Variants in NXPH1 observed in about 807,000 individuals in gnomAD.
NXPH1 encodes neurexophilin-1.
NXPH1 carries 5 observed loss-of-function variants against 23.7 expected under a neutral mutation model. The observed-to-expected ratio is 0.21, with a 90% CI of 0.11 to 0.44. NXPH1 has a LOEUF of 0.44. Among genes scored for constraint, NXPH1 ranks in the 20% least tolerant of loss-of-function variants. NXPH1 has a pLI of 0.99. For missense variants in NXPH1, 324 were observed against 321.6 expected (o/e 1.01, Z -0.06); for synonymous variants, 144 against 122.2 (o/e 1.18, Z -1.18).
intron 2 of NXPH1, among the ~76,000 whole-genome samples, chr7:8,466,361 C>A (rs988083841): frequency 6.6e-6 from 1 of 152,108 alleles, no homozygotes; most frequent in Non-Finnish European, 1.5e-5. Flanking sequence ...GGTATGGGAA[C>A]GATGAGCTCT....
intron 2 of NXPH1, among the ~76,000 whole-genome samples, chr7:8,501,077 G>A (rs1817423186): frequency 6.6e-6 from 1 of 152,014 alleles, no homozygotes; most frequent in Admixed American, 6.6e-5. Flanking sequence ...TTATGAGTTG[G>A]GATCTTCAGC....
At chr7:8,542,239 G>T (rs754381291) in intron 2 of NXPH1, among the ~76,000 whole-genome samples, 3 of 151,624 alleles carry the variant, frequency 2.0e-5, no homozygotes, top group South Asian at 4.1e-4. Flanking sequence ...TGGATATAAA[G>T]AAGGTAATTT....
chr7:8,662,189 T>TAC (rs60107144), intron 2 of NXPH1, among the ~76,000 whole-genome samples: 6 of 150,728 alleles, frequency 4.0e-5, no homozygotes, highest in African/African-American at 9.8e-5. Flanking sequence ...TATATATATA[T>TAC]ACACACATAT....
At chr7:8,730,738 G>A (rs1313432424) in intron 2 of NXPH1, among the ~76,000 whole-genome samples, 1 of 151,858 alleles carries the variant, frequency 6.6e-6, no homozygotes, top group African/African-American at 2.4e-5. Flanking sequence ...TTCCCTTTGA[G>A]GGTAACCCGA....
intron 2 of NXPH1, among the ~76,000 whole-genome samples, chr7:8,625,369 A>C (rs897936222): frequency 1.3e-5 from 2 of 152,152 alleles, no homozygotes; most frequent in African/African-American, 4.8e-5. Context: ...AGATCAACTC[A>C]AATTCTGAAA....
At chr7:8,601,448 G>T (rs1484195144) in intron 2 of NXPH1, among the ~76,000 whole-genome samples, 1 of 152,140 alleles carries the variant, frequency 6.6e-6, no homozygotes, top group Non-Finnish European at 1.5e-5. Context: ...TGACTCTGAG[G>T]TTACCCAAGT....
At chr7:8,441,699 C>T (rs1816303131) in intron 2 of NXPH1, among the ~76,000 whole-genome samples, 1 of 152,182 alleles carries the variant, frequency 6.6e-6, no homozygotes, top group Non-Finnish European at 1.5e-5. Flanking sequence ...CCAAGAGCGG[C>T]TTTTTATTGA....
chr7:8,702,851 C>T (rs10253965), intron 2 of NXPH1, among the ~76,000 whole-genome samples: 74,666 of 151,826 alleles, frequency 0.49, 19,307 homozygotes, highest in East Asian at 0.8. Context: ...CTCCATGAAA[C>T]TTTTCTGATT....
chr7:8,727,231 A>G (rs899916788), intron 2 of NXPH1, among the ~76,000 whole-genome samples: 1 of 124,314 alleles, frequency 8.0e-6, no homozygotes, highest in African/African-American at 3.7e-5. Flanking sequence ...TAGATTCTGG[A>G]TATTAGCCCT....
rs528882889 is a variant in NXPH1 at position 8,752,057 on chromosome 7, G to A, written c.*288G>A. On this transcript the variant is annotated 3_prime_UTR_variant, in exon 3 of 3. Coordinates refer to ENST00000405863, the MANE Select transcript of NXPH1 (RefSeq NM_152745.3). Reference sequence around the variant, plus strand: ...CACCGTCATGCACATTTCAGCTTGCGTCTATCATGATTCCTGTTGAGAGGG... The same window carrying A: ...CACCGTCATGCACATTTCAGCTTGCATCTATCATGATTCCTGTTGAGAGGG... 2.7e-4 allele frequency: 81 copies of A among 303,548 alleles called. No individual in the cohort carries two copies. Among genetic ancestry groups the A allele is most frequent in the Admixed American group, 5.4e-4 (12 of 22,310 alleles). The allele number at this position is 303,548 out of a possible 1,614,324, so 18.8% of individuals were successfully genotyped here.
intron 2 of NXPH1, among the ~76,000 whole-genome samples, chr7:8,707,252 T>C (rs2115193580): frequency 6.6e-6 from 1 of 152,298 alleles, no homozygotes; most frequent in African/African-American, 2.4e-5. Flanking sequence ...TTTAAGCTTC[T>C]AGCAGGCCCA....
At chr7:8,510,278 T>C (rs893262985) in intron 2 of NXPH1, among the ~76,000 whole-genome samples, 2 of 152,172 alleles carry the variant, frequency 1.3e-5, no homozygotes, top group African/African-American at 4.8e-5. Flanking sequence ...ATAGTCTTAA[T>C]TAGTAATTAC....
chr7:8,589,779 T>C (rs1819053840), intron 2 of NXPH1, among the ~76,000 whole-genome samples: 1 of 152,058 alleles, frequency 6.6e-6, no homozygotes, highest in Admixed American at 6.6e-5. Context: ...GGTCTACAGT[T>C]GTAGCTGCAC....
intron 2 of NXPH1, among the ~76,000 whole-genome samples, chr7:8,683,311 T>C (rs973540814): frequency 3.9e-5 from 6 of 152,308 alleles, no homozygotes; most frequent in East Asian, 3.9e-4. Flanking sequence ...ACTTCCAACA[T>C]TGGAGATGAC....
rs56942403 is a variant in NXPH1 at position 8,708,424 on chromosome 7, G to GATCTC, written c.55-42582_55-42578dup. Among the ~76,000 whole-genome samples, 73 of 152,072 alleles carry GATCTC rather than the reference G, an allele frequency of 4.8e-4. 1 individual carries two copies. The East Asian group carries it at 0.014, about 29-fold the overall frequency. On this transcript the variant is annotated intron_variant, in intron 2 of 2. Coordinates refer to ENST00000405863, the MANE Select transcript of NXPH1 (RefSeq NM_152745.3). Reference sequence around the variant, plus strand: ...TGCTCAGGCTACAGTACAATGGCACGATCTCAGCTCACTGCAACCTCATCC... The same window carrying GATCTC: ...TGCTCAGGCTACAGTACAATGGCACGATCTCATCTCAGCTCACTGCAACCTCATCC...
intron 2 of NXPH1, among the ~76,000 whole-genome samples, chr7:8,450,532 T>C (rs1816489449): frequency 6.6e-6 from 1 of 152,234 alleles, no homozygotes; most frequent in Non-Finnish European, 1.5e-5. Flanking sequence ...TCTAGGAATT[T>C]ATCTATTTCT....
At chr7:8,497,274 G>T (rs897508663) in intron 2 of NXPH1, among the ~76,000 whole-genome samples, 7 of 152,096 alleles carry the variant, frequency 4.6e-5, no homozygotes, top group Non-Finnish European at 1.0e-4. Flanking sequence ...ATGGACATTT[G>T]GGTTGGTTCC....
chr7:8,437,431 C>A (rs893122396), intron 2 of NXPH1, among the ~76,000 whole-genome samples: 6 of 152,146 alleles, frequency 3.9e-5, no homozygotes, highest in Non-Finnish European at 8.8e-5. Flanking sequence ...ATTCCCTTGA[C>A]CATCGTAACC....
intron 2 of NXPH1, among the ~76,000 whole-genome samples, chr7:8,585,202 T>C (rs1489489980): frequency 6.6e-6 from 1 of 152,192 alleles, no homozygotes; most frequent in Non-Finnish European, 1.5e-5. Context: ...TAATTCTTTC[T>C]TCTGTGTTTT....
Sources: allele counts gnomAD v4.1 joint callset (sites outside exome capture counted in the v4.1 genomes callset), GRCh38; gene constraint gnomAD v4.1.1; transcripts MANE v1.5; gene names NCBI Gene and HGNC (gene_info 2026-07-23, HGNC 2026-07-21).